Variants in CNTN5 observed in about 807,000 individuals in gnomAD.
CNTN5 encodes the protein contactin-5.
A neutral mutation model predicts 129.1 loss-of-function variants in CNTN5; 77 were observed. The observed-to-expected ratio is 0.60, with a 90% CI of 0.50 to 0.72. The LOEUF (loss-of-function observed/expected upper bound fraction) is 0.72. Among genes scored for constraint, CNTN5 ranks in the 30% least tolerant of loss-of-function variants. The pLI is 0.00. For synonymous variants in CNTN5, 509 were observed against 465.6 expected (o/e 1.09, Z -1.20); for missense variants, 1,478 against 1,328.8 (o/e 1.11, Z -1.75).
At chr11:99,842,418 A>G (rs1591294662) in intron 4 of CNTN5, among the ~76,000 whole-genome samples, 1 of 152,220 alleles carries the variant, frequency 6.6e-6, no homozygotes, top group East Asian at 1.9e-4. Flanking sequence ...GCAAATGTTA[A>G]TAACAACTGA....
At chr11:100,057,303 C>T (rs1943275883) in intron 9 of CNTN5, among the ~76,000 whole-genome samples, 1 of 148,676 alleles carries the variant, frequency 6.7e-6, no homozygotes, top group Admixed American at 6.7e-5. Flanking sequence ...AAAACAGAAA[C>T]TCATGAATTA....
chr11:99,200,164 A>G (rs867082343), intron 1 of CNTN5, among the ~76,000 whole-genome samples: 12 of 152,252 alleles, frequency 7.9e-5, no homozygotes, highest in Admixed American at 3.9e-4. Context: ...GATTTTTTCT[A>G]TAAAAGATCT....
intron 1 of CNTN5, among the ~76,000 whole-genome samples, chr11:99,133,657 A>G (rs1859070793): frequency 6.7e-6 from 1 of 148,930 alleles, no homozygotes; most frequent in Non-Finnish European, 1.5e-5. Flanking sequence ...CATGAAAAGA[A>G]GCTCAATATC....
intron 3 of CNTN5, among the ~76,000 whole-genome samples, chr11:99,814,749 T>G (rs557620137): frequency 7.4e-4 from 112 of 152,034 alleles, no homozygotes; most frequent in African/African-American, 2.6e-3. Context: ...CTTGAAGTAG[T>G]TGAGATGCCA....
chr11:100,060,917 AG>A (rs1943445075), intron 9 of CNTN5, among the ~76,000 whole-genome samples: 1 of 151,866 alleles, frequency 6.6e-6, no homozygotes, highest in African/African-American at 2.4e-5. Flanking sequence ...CTGGGATTAC[AG>A]GTGTGAGCCA....
intron 2 of CNTN5, among the ~76,000 whole-genome samples, chr11:99,480,325 G>T (rs1157244970): frequency 6.6e-6 from 1 of 152,082 alleles, no homozygotes; most frequent in Non-Finnish European, 1.5e-5. Context: ...GCCAACATTT[G>T]GTCAGGTAAA....
intron 1 of CNTN5, among the ~76,000 whole-genome samples, chr11:99,319,673 C>T (rs1455394466): frequency 6.6e-6 from 1 of 151,984 alleles, no homozygotes; most frequent in African/African-American, 2.4e-5. Flanking sequence ...ATACAAAGTA[C>T]AAAGCACAGT....
At chr11:99,139,126 G>C (rs1355312816) in intron 1 of CNTN5, among the ~76,000 whole-genome samples, 4 of 126,654 alleles carry the variant, frequency 3.2e-5, no homozygotes, top group Non-Finnish European at 6.5e-5. Flanking sequence ...AAATTAGCCA[G>C]GCATAGTGTC....
At chr11:99,099,797 T>A (rs1368676511) in intron 1 of CNTN5, among the ~76,000 whole-genome samples, 1 of 152,162 alleles carries the variant, frequency 6.6e-6, no homozygotes, top group East Asian at 1.9e-4. Flanking sequence ...TATAAATCAC[T>A]TCGAAAAAAC....
At chr11:99,847,425 A>G (rs545845604) in intron 6 of CNTN5, among the ~76,000 whole-genome samples, 1 of 152,262 alleles carries the variant, frequency 6.6e-6, no homozygotes, top group East Asian at 1.9e-4. Flanking sequence ...ATTTAGAGCA[A>G]TATCTGCTTA....
chr11:99,379,015 T>A (rs1047881142), intron 2 of CNTN5, among the ~76,000 whole-genome samples: 50 of 152,144 alleles, frequency 3.3e-4, no homozygotes, highest in African/African-American at 1.2e-3. Flanking sequence ...TTCAATAAAA[T>A]ACATACATAA....
intron 1 of CNTN5, among the ~76,000 whole-genome samples, chr11:99,070,433 A>G (rs1392637136): frequency 6.6e-6 from 1 of 152,164 alleles, no homozygotes; most frequent in African/African-American, 2.4e-5. Flanking sequence ...AAAAGTAAGG[A>G]GAAGAAAATG....
chr11:99,158,488 G>A (rs1470940729), intron 1 of CNTN5, among the ~76,000 whole-genome samples: 1 of 152,020 alleles, frequency 6.6e-6, no homozygotes. Context: ...TGAGATATCT[G>A]TTTTATTAAT....
chr11:99,225,402 C>CT, intron 1 of CNTN5, among the ~76,000 whole-genome samples: 1 of 152,122 alleles, frequency 6.6e-6, no homozygotes, highest in Non-Finnish European at 1.5e-5. Flanking sequence ...CCTTATTGGC[C>CT]TTTTTGTGTT....
chr11:99,706,838 G>T (rs1419824040), intron 3 of CNTN5, among the ~76,000 whole-genome samples: 2 of 133,054 alleles, frequency 1.5e-5, no homozygotes, highest in African/African-American at 5.3e-5. Flanking sequence ...TTTGTGTCTG[G>T]TCTTTTTTTT....
chr11:100,255,752 A>G lies in CNTN5; in HGVS notation c.2006-8A>G. 1 of 1,613,082 alleles carries G rather than the reference A, an allele frequency of 6.2e-7. No homozygotes were observed. Among genetic ancestry groups the G allele is most frequent in the East Asian group, 2.2e-5 (1 of 44,858 alleles). On this transcript the variant is annotated splice_polypyrimidine_tract_variant and splice_region_variant and intron_variant, in intron 16 of 24. Transcript: ENST00000524871. ...TGCTTAACTTTATCCATTGCCTTTG[A>G]CCTATAGGACCCCCAGGCCCACCTG...
intron 3 of CNTN5, among the ~76,000 whole-genome samples, chr11:99,783,106 T>A (rs1251401222): frequency 4.4e-4 from 46 of 105,544 alleles, no homozygotes; most frequent in Middle Eastern, 4.5e-3. Flanking sequence ...GAATCTACAA[T>A]GAACTCAAAC....
At chr11:99,944,809 C>T (rs894691896) in intron 7 of CNTN5, among the ~76,000 whole-genome samples, 1 of 151,970 alleles carries the variant, frequency 6.6e-6, no homozygotes, top group East Asian at 1.9e-4. Context: ...TTACAAGGGA[C>T]ATGAAGGGAC....
chr11:99,392,492 CT>C (rs1286630526), intron 2 of CNTN5, among the ~76,000 whole-genome samples: 2 of 151,836 alleles, frequency 1.3e-5, no homozygotes, highest in Non-Finnish European at 2.9e-5. Flanking sequence ...ATAAGGCTAA[CT>C]TTTCATCCAG....
Sources: gnomAD v4.1 joint callset for allele counts (sites outside exome capture counted in the v4.1 genomes callset) on GRCh38, gnomAD v4.1.1 for gene constraint, MANE v1.5 for transcripts, NCBI Gene and HGNC (gene_info 2026-07-23, HGNC 2026-07-21) for gene names.